DPP10: variants seen among roughly 807,000 people sequenced by gnomAD.
The protein encoded by DPP10 is dipeptidyl peptidase like 10.
DPP10 carries 33 observed loss-of-function variants against 120.9 expected under a neutral mutation model. That is an observed-to-expected ratio of 0.27 (90% CI 0.21 to 0.37). DPP10 has a LOEUF of 0.37. Among genes scored for constraint, DPP10 ranks in the 10% least tolerant of loss-of-function variants. The pLI is 1.00. For synonymous variants in DPP10, 337 were observed against 326.1 expected (o/e 1.03, Z -0.36); for missense variants, 816 against 942.8 (o/e 0.87, Z 1.76).
At chr2:115,375,498 C>T (rs535766077) in intron 3 of DPP10, among the ~76,000 whole-genome samples, 29 of 152,274 alleles carry the variant, frequency 1.9e-4, no homozygotes, top group Admixed American at 5.2e-4. Flanking sequence ...TTCTTCTGAC[C>T]CCTCCAAATT....
intron 1 of DPP10, among the ~76,000 whole-genome samples, chr2:114,983,198 C>T (rs964813156): frequency 2.0e-5 from 3 of 152,064 alleles, no homozygotes; most frequent in Non-Finnish European, 2.9e-5. Context: ...TTGCTTTCCA[C>T]GATTTTAAAT....
intron 3 of DPP10, among the ~76,000 whole-genome samples, chr2:115,471,514 C>T (rs951318885): frequency 6.6e-6 from 1 of 152,258 alleles, no homozygotes; most frequent in Middle Eastern, 3.4e-3. Flanking sequence ...GAGAGGTTCG[C>T]AGTCTTACAT....
intron 1 of DPP10, among the ~76,000 whole-genome samples, chr2:114,560,522 G>C (rs1688683086): frequency 6.6e-6 from 1 of 152,158 alleles, no homozygotes; most frequent in Non-Finnish European, 1.5e-5. Flanking sequence ...CTGGTAGGAA[G>C]ATGGGGCTTA....
At position 114,600,079 on chromosome 2, in the gene DPP10, A is replaced by T. The variant is rs1281219075; in HGVS notation, c.60+157241A>T. ...GATCAATTTTTTTTTCCCAGATCAG[A>T]TTTGGAAAGTTTTAAGCCACCATAT... is the stretch of plus-strand genomic sequence containing the variant. On this transcript the variant is annotated intron_variant, in intron 1 of 25. Transcript: ENST00000410059. Among the ~76,000 whole-genome samples the T allele has an allele frequency of 4.6e-5, 7 of 151,152 alleles. 1 individual carries two copies.
intron 3 of DPP10, among the ~76,000 whole-genome samples, chr2:115,497,022 G>T (rs947679879): frequency 6.6e-6 from 1 of 151,984 alleles, no homozygotes; most frequent in African/African-American, 2.4e-5. Context: ...TCCAGGTGAG[G>T]CCAGTCTGAA....
intron 1 of DPP10, among the ~76,000 whole-genome samples, chr2:115,038,065 T>C (rs962970575): frequency 1.3e-5 from 2 of 152,140 alleles, no homozygotes; most frequent in African/African-American, 4.8e-5. Context: ...TGTTTATTTC[T>C]ATTGGCACTG....
intron 1 of DPP10, among the ~76,000 whole-genome samples, chr2:114,831,241 CT>C (rs1687093101): frequency 6.6e-6 from 1 of 151,950 alleles, no homozygotes; most frequent in South Asian, 2.1e-4. Context: ...TAGAACATAA[CT>C]TTAAAGATAG....
chr2:115,275,594 T>C (rs757350479), intron 1 of DPP10, among the ~76,000 whole-genome samples: 27 of 152,198 alleles, frequency 1.8e-4, no homozygotes, highest in Non-Finnish European at 3.4e-4. Context: ...CCTTTCTTCT[T>C]TTTTTGGATA....
chr2:115,099,938 G>A (rs967403328), intron 1 of DPP10, among the ~76,000 whole-genome samples: 3 of 152,196 alleles, frequency 2.0e-5, no homozygotes, highest in East Asian at 3.8e-4. Flanking sequence ...TGACATAAAT[G>A]TTGATGTAGT....
intron 1 of DPP10, among the ~76,000 whole-genome samples, chr2:115,188,897 C>T (rs562640586): frequency 1.2e-4 from 18 of 151,718 alleles, no homozygotes; most frequent in Non-Finnish European, 2.1e-4. Flanking sequence ...TAGTGAAAGA[C>T]TGGAAACAGT....
chr2:115,149,371 C>T (rs1181303722), intron 1 of DPP10, among the ~76,000 whole-genome samples: 1 of 152,126 alleles, frequency 6.6e-6, no homozygotes, highest in African/African-American at 2.4e-5. Context: ...TACCCAGGGG[C>T]ATAACTCCAA....
chr2:115,604,436 C>G, intron 5 of DPP10, among the ~76,000 whole-genome samples: 1 of 152,166 alleles, frequency 6.6e-6, no homozygotes, highest in African/African-American at 2.4e-5. Context: ...CTTCTAAGAT[C>G]TCAGAGGAAT....
intron 5 of DPP10, among the ~76,000 whole-genome samples, chr2:115,534,604 A>G (rs909166643): frequency 5.9e-5 from 9 of 152,114 alleles, no homozygotes; most frequent in African/African-American, 1.4e-4. Context: ...AGCATGATTC[A>G]TAGTCCTTTG....
At chr2:115,642,685 T>A (rs1398332857) in intron 5 of DPP10, among the ~76,000 whole-genome samples, 2 of 152,076 alleles carry the variant, frequency 1.3e-5, no homozygotes, top group Non-Finnish European at 2.9e-5. Context: ...CCTCTCAGTA[T>A]CTCATACACA....
At chr2:115,262,343 G>T (rs1385525118) in intron 1 of DPP10, among the ~76,000 whole-genome samples, 1 of 151,232 alleles carries the variant, frequency 6.6e-6, no homozygotes, top group African/African-American at 2.4e-5. Flanking sequence ...ACAATTATTT[G>T]CTATCATTAT....
chr2:114,924,566 C>T (rs1695456459), intron 1 of DPP10, among the ~76,000 whole-genome samples: 1 of 151,010 alleles, frequency 6.6e-6, no homozygotes, highest in Admixed American at 6.6e-5. Flanking sequence ...AAAAAAAAGC[C>T]CTTAGGGGAA....
chr2:115,459,948 C>CACAT (rs2073891112), intron 3 of DPP10, among the ~76,000 whole-genome samples: 1 of 31,034 alleles, frequency 3.2e-5, no homozygotes, highest in Non-Finnish European at 1.7e-4. Flanking sequence ...TACACACACA[C>CACAT]ACCTTTGTTT....
intron 1 of DPP10, among the ~76,000 whole-genome samples, chr2:114,748,367 TTTATTTATTTATTTA>T (rs1558698994): frequency 2.1e-5 from 2 of 96,236 alleles, no homozygotes; most frequent in Admixed American, 1.1e-4. Flanking sequence ...TTTTATTTTA[TTTATTTATTTATTTA>T]TTTATTTATT....
intron 1 of DPP10, among the ~76,000 whole-genome samples, chr2:114,734,814 T>C (rs1324301858): frequency 1.3e-5 from 2 of 152,132 alleles, no homozygotes; most frequent in African/African-American, 4.8e-5. Context: ...CAAGTATGAG[T>C]TTGCTAGAAC....
Sources: gnomAD v4.1 joint callset for allele counts (sites outside exome capture counted in the v4.1 genomes callset) on GRCh38, gnomAD v4.1.1 for gene constraint, MANE v1.5 for transcripts, NCBI Gene and HGNC (gene_info 2026-07-23, HGNC 2026-07-21) for gene names.